Variants in GPT2 observed in about 807,000 individuals in gnomAD.
GPT2 encodes the protein glutamic--pyruvic transaminase 2.
A neutral mutation model predicts 56.9 loss-of-function variants in GPT2; 30 were observed. The observed-to-expected ratio is 0.53, with a 90% CI of 0.39 to 0.72. The LOEUF (loss-of-function observed/expected upper bound fraction) is 0.72, where lower values mean the gene tolerates loss of function less well. Among genes scored for constraint, GPT2 ranks in the 30% least tolerant of loss-of-function variants. The pLI, the probability that GPT2 is intolerant of heterozygous loss-of-function variation, is 0.00. For synonymous variants in GPT2, 271 were observed against 283.1 expected (o/e 0.96, Z 0.43); for missense variants, 542 against 703.4 (o/e 0.77, Z 2.60).
At chr16:46,887,920 C>T (rs1960516460) in intron 2 of GPT2, among the ~76,000 whole-genome samples, 1 of 152,156 alleles carries the variant, frequency 6.6e-6, no homozygotes, top group South Asian at 2.1e-4. Flanking sequence ...CTTAGAGGGG[C>T]CTTGCTTCTC....
At position 46,884,857 on chromosome 16, in the gene GPT2, C is replaced by T. The variant is rs1394271964; in HGVS notation, c.142C>T (p.Leu48Phe). 3 of 1,543,866 alleles carry T rather than the reference C, an allele frequency of 1.9e-6. No individual in the cohort carries two copies. The highest frequency in any genetic ancestry group is 2.6e-6 in the Non-Finnish European group (3 of 1,144,996). ...RPERSRRERI[L>F]TLESMNPQVK... ...CGAGCGCAGCCGGCGCGAGCGCATC[C>T]TCACGCTGGAGTCCATGAACCCGCA... is the stretch of plus-strand genomic sequence containing the variant. Residue 48 changes from leucine to phenylalanine, a missense_variant, in exon 2 of 12, where the codon CTC becomes TTC. Physicochemically the swap from Leu to Phe is conservative, Grantham distance 22 (BLOSUM62 0). Transcript: ENST00000340124.
intron 2 of GPT2, chr16:46,885,688 C>A: frequency 4.1e-6 from 1 of 246,448 alleles, no homozygotes; most frequent in Non-Finnish European, 6.5e-6. Context: ...TTTATAGCTT[C>A]ATGTAAGGTG....
chr16:46,915,152 C>G (rs1273564278), intron 6 of GPT2: 2 of 152,044 alleles, frequency 1.3e-5, no homozygotes, highest in African/African-American at 4.8e-5. Flanking sequence ...CTCAAGCGGT[C>G]CTCCCACCCT....
At chr16:46,892,896 C>T (rs760008790) in intron 2 of GPT2, among the ~76,000 whole-genome samples, 52 of 152,172 alleles carry the variant, frequency 3.4e-4, no homozygotes, top group South Asian at 6.2e-4. Flanking sequence ...GGCCTTCCCT[C>T]GGATACCTAA....
intron 1 of GPT2, 49 bp from the exon 2 acceptor site, chr16:46,884,645 C>T (rs1960444677): frequency 2.2e-6 from 3 of 1,345,570 alleles, no homozygotes; most frequent in Non-Finnish European, 2.9e-6. Flanking sequence ...GAGTGCTGCA[C>T]GCCTGGGCAG....
At chr16:46,911,115 G>A (rs1190937857) in intron 6 of GPT2, among the ~76,000 whole-genome samples, 1 of 152,080 alleles carries the variant, frequency 6.6e-6, no homozygotes, top group Non-Finnish European at 1.5e-5. Flanking sequence ...AGGCCTGAGA[G>A]GAAAATGTCA....
chr16:46,903,189 C>T (rs1960854744), intron 4 of GPT2, among the ~76,000 whole-genome samples: 1 of 151,498 alleles, frequency 6.6e-6, no homozygotes, highest in Non-Finnish European at 1.5e-5. Context: ...GTGGAGGTTG[C>T]AGTGAGCTGA....
chr16:46,896,843 T>TA (rs1960693879), intron 2 of GPT2, among the ~76,000 whole-genome samples: 1 of 152,218 alleles, frequency 6.6e-6, no homozygotes. Flanking sequence ...GCATAGTGGT[T>TA]AAGAAGAGTG....
intron 6 of GPT2, among the ~76,000 whole-genome samples, chr16:46,913,140 T>C (rs150306225): frequency 6.6e-6 from 1 of 152,234 alleles, no homozygotes; most frequent in African/African-American, 2.4e-5. Flanking sequence ...GCGGGCATGC[T>C]CTGAGGCGCT....
In GPT2 at chr16:46,926,919, C is replaced by T. The variant is rs1961426703; in HGVS notation, c.1369-6C>T. 1 of 1,558,728 alleles carries T rather than the reference C, an allele frequency of 6.4e-7. No individual in the cohort carries two copies. Among genetic ancestry groups the T allele is most frequent in the African/African-American group, 1.4e-5 (1 of 72,906 alleles). On this transcript the variant is annotated splice_region_variant and splice_polypyrimidine_tract_variant and intron_variant, in intron 10 of 11. Coordinates refer to ENST00000340124, the MANE Select transcript of GPT2 (RefSeq NM_133443.4). ...GAATGATCATGAGCTCTGTCTGCTC[C>T]CATAGGCCCATCAAATGGCTCCAGA...
At chr16:46,899,795 T>C (rs530189753) in intron 3 of GPT2, among the ~76,000 whole-genome samples, 2 of 152,338 alleles carry the variant, frequency 1.3e-5, no homozygotes, top group East Asian at 3.9e-4. Flanking sequence ...TGTGGCAGGC[T>C]TCAGAACAGG....
Position 46,927,050 on chromosome 16 carries a change from C to G in GPT2, c.1481+13C>G, listed in dbSNP as rs766747427. 6.6e-7 allele frequency: 1 copy of G among 1,521,570 alleles called. No homozygotes were observed. The highest frequency in any genetic ancestry group is 9.0e-7 in the Non-Finnish European group (1 of 1,114,238). The allele number at this position is 1,521,570 out of a possible 1,614,324, so 94.3% of individuals were successfully genotyped here. ...CTTACCACTTCAGGTATGACTTCCT[C>G]TCCGCACTAGGGGCTGGTCCGGGTC... On this transcript the variant is annotated intron_variant, in intron 11 of 11. Coordinates refer to ENST00000340124, the MANE Select transcript of GPT2 (RefSeq NM_133443.4).
chr16:46,885,362 G>A, intron 2 of GPT2: 1 of 721,262 alleles, frequency 1.4e-6, no homozygotes, highest in Non-Finnish European at 1.7e-6. Flanking sequence ...GATGGGGGCG[G>A]TGGGAGGGAA....
intron 3 of GPT2, among the ~76,000 whole-genome samples, chr16:46,899,019 ATATATATATATATATATTTT>A (rs1567335253): frequency 1.8e-4 from 4 of 21,954 alleles, no homozygotes; most frequent in East Asian, 4.5e-3. Context: ...ATATATATAT[ATATATATATATATATATTTT>A]TTTTTTTTTA....
intron 6 of GPT2, among the ~76,000 whole-genome samples, chr16:46,912,473 C>G (rs1961064872): frequency 6.6e-6 from 1 of 152,196 alleles, no homozygotes; most frequent in Non-Finnish European, 1.5e-5. Flanking sequence ...CAGTCAAATC[C>G]CTGGGACTCT....
chr16:46,909,793 T>A lies in GPT2; in HGVS notation c.686T>A (p.Ile229Asn). ...YSAVISELDA[I>N]QVNYYLDEEN... is the part of the protein sequence containing the mutation. Reference sequence around the variant, plus strand: ...GCTGTCATCTCTGAGCTCGACGCCATCCAGGTGAATTACTACCTGGACGAG... The same window carrying A: ...GCTGTCATCTCTGAGCTCGACGCCAACCAGGTGAATTACTACCTGGACGAG... Residue 229 changes from isoleucine to asparagine, a missense_variant, in exon 6 of 12, where the codon ATC becomes AAC. Transcript: ENST00000340124. 1 of 1,614,160 alleles carries A rather than the reference T, an allele frequency of 6.2e-7. No homozygotes were observed. The highest frequency in any genetic ancestry group is 2.2e-5 in the East Asian group (1 of 44,880).
chr16:46,886,150 G>A (rs1258677265), intron 2 of GPT2, among the ~76,000 whole-genome samples: 1 of 152,220 alleles, frequency 6.6e-6, no homozygotes, highest in Non-Finnish European at 1.5e-5. Context: ...GCAGGGCTAA[G>A]TTTAAAGCTG....
chr16:46,920,452 C>T (rs1394360942), intron 8 of GPT2, among the ~76,000 whole-genome samples: 1 of 152,232 alleles, frequency 6.6e-6, no homozygotes, highest in Non-Finnish European at 1.5e-5. Flanking sequence ...GGAGTGAGGC[C>T]TGGGCCTGGG....
intron 2 of GPT2, chr16:46,885,164 G>T (rs1490076453): frequency 7.7e-7 from 1 of 1,295,644 alleles, no homozygotes; most frequent in Admixed American, 3.9e-5. Context: ...CTTGCAATAC[G>T]GTTCACTTGT....
Sources: allele counts gnomAD v4.1 joint callset (sites outside exome capture counted in the v4.1 genomes callset), GRCh38; gene constraint gnomAD v4.1.1; transcripts MANE v1.5; gene names NCBI Gene and HGNC (gene_info 2026-07-23, HGNC 2026-07-21).